The following KDM5A variants were observed in gnomAD, a reference collection of about 807,000 sequenced individuals.
KDM5A encodes lysine-specific demethylase 5A.
In KDM5A, 42 loss-of-function variants were observed where a neutral mutation model predicts 193.5. The ratio of observed to expected loss-of-function variants is 0.22; its 90% CI spans 0.17 to 0.28. The LOEUF (loss-of-function observed/expected upper bound fraction) is 0.28, where lower values mean the gene tolerates loss of function less well. Ranked by LOEUF, KDM5A falls within the 10% of genes least tolerant of loss-of-function variation. The pLI, the probability that KDM5A is intolerant of heterozygous loss-of-function variation, is 1.00. For synonymous variants in KDM5A, 796 were observed against 718.1 expected, an observed-to-expected ratio of 1.11 and a Z score of -1.73; for missense variants, 1,692 against 2,055.1, an observed-to-expected ratio of 0.82 and a Z score of 3.42.
At chr12:386,248 C>A (rs1310724660) in intron 1 of KDM5A, among the ~76,000 whole-genome samples, 1 of 152,132 alleles carries the variant, frequency 6.6e-6, no homozygotes, top group African/African-American at 2.4e-5. Flanking sequence ...AATGAGATAT[C>A]TTGGAGAAAG....
At chr12:320,937 C>G in intron 18 of KDM5A, 58 bp downstream of exon 18, 1 of 1,210,070 alleles carries the variant, frequency 8.3e-7, no homozygotes, top group Non-Finnish European at 1.2e-6. Flanking sequence ...CTGTGAAACC[C>G]AGAACAGTGG....
intron 10 of KDM5A, among the ~76,000 whole-genome samples, chr12:348,337 G>A (rs959176238): frequency 6.6e-6 from 1 of 152,222 alleles, no homozygotes; most frequent in Non-Finnish European, 1.5e-5. Context: ...TTCAACCATT[G>A]TGGAAGTCAG....
Position 328,886 on chromosome 12 carries a change from C to A in KDM5A, c.1917G>T (p.Leu639Phe). ...VGLAAMVCKE[L>F]TLMTEEETRL... Reference sequence around the variant, plus strand: ...GTGTTTCTTCTTCAGTCATGAGAGTCAATTCTTTGCAGACCATGGCAGCCA... The same window carrying A: ...GTGTTTCTTCTTCAGTCATGAGAGTAAATTCTTTGCAGACCATGGCAGCCA... Residue 639 changes from leucine (L) to phenylalanine (F), a missense_variant, in exon 14 of 28, where the codon TTG becomes TTT. Leu to Phe is a conservative substitution (Grantham distance 22). Transcript: ENST00000399788. The A allele has an allele frequency of 6.2e-7, 1 of 1,614,170 alleles. No homozygotes were observed. The highest frequency in any genetic ancestry group is 1.1e-5 in the South Asian group (1 of 91,074).
At chr12:305,983 T>TTTTG (rs1464038553) in intron 24 of KDM5A, among the ~76,000 whole-genome samples, 2,475 of 148,740 alleles carry the variant, frequency 0.017, 99 homozygotes, top group South Asian at 0.16. Context: ...TTTTTTTTTT[T>TTTTG]TTTTTTTTGA....
intron 10 of KDM5A, among the ~76,000 whole-genome samples, chr12:348,080 A>C (rs547500317): frequency 1.3e-5 from 2 of 152,154 alleles, no homozygotes; most frequent in East Asian, 1.9e-4. Flanking sequence ...AAAAACAAAC[A>C]ACCCCATCAA....
chr12:369,208 A>C (rs1944395307), intron 3 of KDM5A, among the ~76,000 whole-genome samples: 1 of 152,170 alleles, frequency 6.6e-6, no homozygotes, highest in African/African-American at 2.4e-5. Flanking sequence ...ACAGAGACAA[A>C]AATTATTTTT....
chr12:380,858 C>T (rs1211837615), intron 3 of KDM5A, among the ~76,000 whole-genome samples: 1 of 151,820 alleles, frequency 6.6e-6, no homozygotes, highest in Non-Finnish European at 1.5e-5. Context: ...TGCAGTGGTA[C>T]TATCTCAACT....
intron 24 of KDM5A, among the ~76,000 whole-genome samples, chr12:302,838 C>T (rs1304928718): frequency 1.3e-5 from 2 of 152,004 alleles, no homozygotes; most frequent in Non-Finnish European, 2.9e-5. Flanking sequence ...AAAACCACCC[C>T]ATCAAAAAGT....
At chr12:383,275 C>T (rs1166798335) in intron 3 of KDM5A, among the ~76,000 whole-genome samples, 2 of 151,558 alleles carry the variant, frequency 1.3e-5, no homozygotes, top group African/African-American at 2.4e-5. Context: ...GGTGCAGTGG[C>T]GCAATCACAG....
rs190225733 is a variant in KDM5A, at chr12:345,006, C to T, written c.1308+5615G>A. 4.6e-5 allele frequency among the ~76,000 whole-genome samples: 7 copies of T among 151,996 alleles called. No individual in the cohort carries two copies. In the East Asian group the frequency reaches 7.7e-4, roughly 17 times the overall value. On this transcript the variant is annotated intron_variant, in intron 10 of 27. Transcript: ENST00000399788. Reference sequence around the variant, plus strand: ...AAAGAGTCAAGACCCATCAGTGTGCCGTATTCAGGAGACCCATCTCACGTG... The same window carrying T: ...AAAGAGTCAAGACCCATCAGTGTGCTGTATTCAGGAGACCCATCTCACGTG...
At position 331,624 on chromosome 12, in the gene KDM5A, G is replaced by C. The variant is rs950634975; in HGVS notation, c.1773+195C>G. ...GAGGAAAATAATAAATGGGTAAGAAGAACTATAAAATCTTCAAAATAAAAA... is the reference window on the plus strand; with the variant it reads ...GAGGAAAATAATAAATGGGTAAGAACAACTATAAAATCTTCAAAATAAAAA... On this transcript the variant is annotated intron_variant, in intron 13 of 27. Transcript: ENST00000399788. 3.3e-5 allele frequency among the ~76,000 whole-genome samples: 5 copies of C among 152,192 alleles called. No homozygotes were observed. The East Asian group carries it at 9.6e-4, about 29-fold the overall frequency.
At chr12:387,415 C>A in intron 1 of KDM5A, 1 of 203,382 alleles carries the variant, frequency 4.9e-6, no homozygotes, top group South Asian at 6.0e-5. Context: ...TTAATAAATT[C>A]AAGAGTAGAT....
intron 24 of KDM5A, among the ~76,000 whole-genome samples, chr12:297,764 A>G (rs1943391622): frequency 6.6e-6 from 1 of 152,182 alleles, no homozygotes; most frequent in Admixed American, 6.5e-5. Context: ...CGTTGAAAAA[A>G]ACTTGTAACT....
intron 3 of KDM5A, among the ~76,000 whole-genome samples, chr12:372,081 G>A (rs554621835): frequency 6.6e-6 from 1 of 152,272 alleles, no homozygotes; most frequent in East Asian, 1.9e-4. Flanking sequence ...TGGCAATGTG[G>A]GCTCTTTTTT....
At chr12:305,316 T>C (rs77716462) in intron 24 of KDM5A, among the ~76,000 whole-genome samples, 1,640 of 152,258 alleles carry the variant, frequency 0.011, 14 homozygotes, top group Middle Eastern at 0.027. Flanking sequence ...CTAATTCAAG[T>C]TTCAACTGTT....
intron 3 of KDM5A, 119 bp downstream of exon 3, chr12:383,912 C>T: frequency 9.2e-7 from 1 of 1,090,562 alleles, no homozygotes; most frequent in South Asian, 1.2e-5. Flanking sequence ...CCATACCCAG[C>T]TAGTGCATTT....
Position 389,125 on chromosome 12 carries a change from G to A in KDM5A, c.-34C>T, listed in dbSNP as rs1286091250. On this transcript the variant is annotated 5_prime_UTR_variant, in exon 1 of 28. Transcript: ENST00000399788. ...CCGGGGGGGGGGGGGGGTCCCCGTG[G>A]GGAACCGGTGGAGAAAAGCTGGCTG... 9 of 1,596,450 alleles carry A rather than the reference G, an allele frequency of 5.6e-6. No individual in the cohort carries two copies. The highest frequency in any genetic ancestry group is 1.3e-5 in the African/African-American group (1 of 74,602).
At chr12:292,585 G>C (rs1943310446) in intron 27 of KDM5A, among the ~76,000 whole-genome samples, 174 bp downstream of exon 27, 1 of 152,160 alleles carries the variant, frequency 6.6e-6, no homozygotes, top group Admixed American at 6.5e-5. Flanking sequence ...ACTTCTACTA[G>C]GCACACTAAG....
At chr12:368,785 T>C (rs985029224) in intron 3 of KDM5A, among the ~76,000 whole-genome samples, 1 of 152,098 alleles carries the variant, frequency 6.6e-6, no homozygotes, top group African/African-American at 2.4e-5. Flanking sequence ...GTTACATACC[T>C]TGCAATTCAA....
Sources: gnomAD v4.1 joint callset for allele counts (sites outside exome capture counted in the v4.1 genomes callset) on GRCh38, gnomAD v4.1.1 for gene constraint, MANE v1.5 for transcripts, NCBI Gene and HGNC (gene_info 2026-07-23, HGNC 2026-07-21) for gene names.